Variants in DSG4 observed in about 807,000 individuals in gnomAD.
DSG4 encodes the protein desmoglein 4.
DSG4 carries 87 observed loss-of-function variants against 93.1 expected under a neutral mutation model. The ratio of observed to expected loss-of-function variants is 0.93; its 90% CI spans 0.79 to 1.12. The LOEUF (loss-of-function observed/expected upper bound fraction) is 1.12, where lower values mean the gene tolerates loss of function less well. Ranked by LOEUF, DSG4 falls within the 50% of genes most tolerant of loss-of-function variation. The pLI is 0.00. For synonymous variants in DSG4, 432 were observed against 452.9 expected (o/e 0.95, Z 0.59); for missense variants, 1,373 against 1,285.7 (o/e 1.07, Z -1.04).
intron 8 of DSG4, among the ~76,000 whole-genome samples, chr18:31,394,492 G>A (rs1163636002): frequency 3.9e-5 from 6 of 152,256 alleles, no homozygotes; most frequent in Admixed American, 3.3e-4. Flanking sequence ...CAGGAGAATC[G>A]CTTGAACCCG....
chr18:31,392,928 A>G (rs2144182992), intron 8 of DSG4, among the ~76,000 whole-genome samples: 1 of 152,332 alleles, frequency 6.6e-6, no homozygotes. Flanking sequence ...CAGATCAGAG[A>G]AGTGAAGCTG....
Position 31,376,968 on chromosome 18 carries a change from A to G in DSG4, c.48+9A>G. The G allele has an allele frequency of 1.2e-6, 2 of 1,613,104 alleles. No individual in the cohort carries two copies. The highest frequency in any genetic ancestry group is 1.3e-5 in the African/African-American group (1 of 74,978). On this transcript the variant is annotated intron_variant, in intron 1 of 15. Coordinates refer to ENST00000308128, the MANE Select transcript of DSG4 (RefSeq NM_177986.5). ...TTTTGATCATTCTAATGGTAAGTAG[A>G]ATTTAAAGAGGTGGGAAGGAAATGC...
chr18:31,407,132 C>A, intron 12 of DSG4, among the ~76,000 whole-genome samples: 1 of 151,896 alleles, frequency 6.6e-6, no homozygotes, highest in African/African-American at 2.4e-5. Context: ...TAATCAAACA[C>A]ACACACACAA....
At chr18:31,403,092 A>G (rs2072386266) in intron 10 of DSG4, among the ~76,000 whole-genome samples, 2 of 152,196 alleles carry the variant, frequency 1.3e-5, no homozygotes, top group Non-Finnish European at 2.9e-5. Context: ...TCGGAGGAAG[A>G]ACATTTGATT....
intron 12 of DSG4, 91 bp downstream of exon 12, chr18:31,406,464 T>C: frequency 6.6e-7 from 1 of 1,512,158 alleles, no homozygotes; most frequent in South Asian, 1.1e-5. Context: ...ATGGAGCCAT[T>C]TCTTTTTGGT....
At chr18:31,390,437 G>T (rs999316876) in intron 5 of DSG4, among the ~76,000 whole-genome samples, 1 of 152,108 alleles carries the variant, frequency 6.6e-6, no homozygotes, top group Non-Finnish European at 1.5e-5. Flanking sequence ...AATCATTTAA[G>T]GAGTGCAAGT....
At position 31,390,641 on chromosome 18, in the gene DSG4, C is replaced by T; in HGVS notation, c.518-15C>T. The T allele has an allele frequency of 6.2e-7, 1 of 1,613,178 alleles. No individual in the cohort carries two copies. The highest frequency in any genetic ancestry group is 1.1e-5 in the South Asian group (1 of 91,050). Reference sequence around the variant, plus strand: ...AAGAGTCCCAACCATTCTCCACCTCCATTTCTATTTCTAGATACATTGGTA... The same window carrying T: ...AAGAGTCCCAACCATTCTCCACCTCTATTTCTATTTCTAGATACATTGGTA... On this transcript the variant is annotated splice_polypyrimidine_tract_variant and intron_variant, in intron 5 of 15. Transcript: ENST00000308128.
intron 1 of DSG4, among the ~76,000 whole-genome samples, chr18:31,377,426 T>A (rs559738022): frequency 1.3e-5 from 2 of 152,184 alleles, no homozygotes; most frequent in Non-Finnish European, 2.9e-5. Flanking sequence ...ACATTGCAAC[T>A]AATGATGACA....
chr18:31,388,534 C>G lies in DSG4; in HGVS notation c.372+12C>G. 6.2e-7 allele frequency: 1 copy of G among 1,612,908 alleles called. No homozygotes were observed. The highest frequency in any genetic ancestry group is 8.5e-7 in the Non-Finnish European group (1 of 1,179,278). ...CTCCACTTTTCTTGGTAAGTCATAG[C>G]CATATGTTTTGATTTGTTCATATTA... On this transcript the variant is annotated intron_variant, in intron 4 of 15. Transcript: ENST00000308128.
chr18:31,408,116 A>G (rs2072447401), intron 12 of DSG4, among the ~76,000 whole-genome samples: 1 of 152,210 alleles, frequency 6.6e-6, no homozygotes, highest in African/African-American at 2.4e-5. Context: ...GGAGAAGCCC[A>G]TGGTCTATTT....
rs1390227391 is a variant in DSG4 at position 31,388,894 on chromosome 18, T to G, written c.393T>G (p.Asn131Lys). 1 of 1,613,658 alleles carries G rather than the reference T, an allele frequency of 6.2e-7. No individual in the cohort carries two copies. Reference protein sequence around the residue: ...PLFLIYCRALNSRGEDLERPL... With the variant: ...PLFLIYCRALKSRGEDLERPL... ...CACAGATCTATTGCCGGGCTCTGAA[T>G]TCACGGGGTGAAGATTTAGAAAGGC... is the stretch of plus-strand genomic sequence containing the variant. The change falls in exon 5 of 16, where the codon AAT becomes AAG. Residue 131 changes from asparagine (N) to lysine (K), a missense_variant. Coordinates refer to ENST00000308128, the MANE Select transcript of DSG4 (RefSeq NM_177986.5).
At chr18:31,377,017 A>C in intron 1 of DSG4, 58 bp downstream of exon 1, 1 of 1,570,370 alleles carries the variant, frequency 6.4e-7, no homozygotes, top group South Asian at 1.1e-5. Context: ...TGTCTCTGTC[A>C]ACTGTCGGGC....
At chr18:31,406,810 C>T (rs1375156759) in intron 12 of DSG4, among the ~76,000 whole-genome samples, 4 of 150,914 alleles carry the variant, frequency 2.7e-5, no homozygotes, top group South Asian at 2.1e-4. Context: ...TGGAATCTTG[C>T]TCTATTGCCC....
At chr18:31,393,488 A>G (rs1242108794) in intron 8 of DSG4, among the ~76,000 whole-genome samples, 1 of 152,144 alleles carries the variant, frequency 6.6e-6, no homozygotes, top group African/African-American at 2.4e-5. Context: ...ATCACATGAC[A>G]AGGGCAGTAG....
intron 6 of DSG4, 22 bp downstream of exon 6, chr18:31,390,844 C>A (rs1170749076): frequency 6.2e-7 from 1 of 1,609,536 alleles, no homozygotes; most frequent in Non-Finnish European, 8.5e-7. Context: ...TGTGAATGAA[C>A]AAGAACTAAA....
In DSG4 at chr18:31,376,851, T is replaced by C. The variant is rs2072082164; in HGVS notation, c.-61T>C. 6.3e-7 allele frequency: 1 copy of C among 1,596,322 alleles called. No homozygotes were observed. The highest frequency in any genetic ancestry group is 8.6e-7 in the Non-Finnish European group (1 of 1,164,380). ...CTTTCTGTAGAGCAGAATTCGGAAC[T>C]GAGAAGACGAGGGCTCAAATTGAAT... On this transcript the variant is annotated 5_prime_UTR_variant, in exon 1 of 16. Transcript: ENST00000308128.
At chr18:31,385,402 A>G (rs1156458056) in intron 2 of DSG4, among the ~76,000 whole-genome samples, 1 of 152,154 alleles carries the variant, frequency 6.6e-6, no homozygotes, top group African/African-American at 2.4e-5. Flanking sequence ...CTGTTTATCA[A>G]ACTATATGAG....
intron 1 of DSG4, among the ~76,000 whole-genome samples, chr18:31,381,827 A>ATT (rs35928619): frequency 5.1e-4 from 72 of 140,494 alleles, no homozygotes; most frequent in African/African-American, 9.4e-4. Flanking sequence ...CGCCCAGCTA[A>ATT]TTTTTTTTTT....
chr18:31,391,248 T>G, intron 7 of DSG4, 36 bp downstream of exon 7: 1 of 1,612,402 alleles, frequency 6.2e-7, no homozygotes, highest in Non-Finnish European at 8.5e-7. Flanking sequence ...TTTCCATAAG[T>G]GTCAATAATC....
Sources: gnomAD v4.1 joint callset for allele counts (sites outside exome capture counted in the v4.1 genomes callset) on GRCh38, gnomAD v4.1.1 for gene constraint, MANE v1.5 for transcripts, NCBI Gene and HGNC (gene_info 2026-07-23, HGNC 2026-07-21) for gene names.